The following SDK2 variants were observed in gnomAD, a reference collection of about 807,000 sequenced individuals.
SDK2 encodes sidekick cell adhesion molecule 2.
A neutral mutation model predicts 253.9 loss-of-function variants in SDK2; 105 were observed. That is an observed-to-expected ratio of 0.41 (90% CI 0.35 to 0.49). The LOEUF (loss-of-function observed/expected upper bound fraction) is 0.49. Among genes scored for constraint, SDK2 ranks in the 20% least tolerant of loss-of-function variants. The probability of loss-of-function intolerance (pLI) is 0.06; values close to 1 mark genes in which losing one functional copy is unlikely to be tolerated. For synonymous variants in SDK2, 1,249 were observed against 1,234.9 expected (o/e 1.01, Z -0.24); for missense variants, 2,608 against 3,003.0 (o/e 0.87, Z 3.07).
chr17:73,543,368 G>A (rs976864163), intron 1 of SDK2, among the ~76,000 whole-genome samples: 2 of 152,174 alleles, frequency 1.3e-5, no homozygotes, highest in African/African-American at 4.8e-5. Context: ...CAGGGCAGGT[G>A]CCATGCCGCT....
chr17:73,393,824 C>T, intron 26 of SDK2, 75 bp from the exon 27 acceptor site: 9 of 1,189,518 alleles, frequency 7.6e-6, no homozygotes, highest in Non-Finnish European at 1.0e-5. Flanking sequence ...AGTCTCATCC[C>T]CAGGATGAGC....
chr17:73,453,145 T>A (rs1240530684), intron 4 of SDK2, among the ~76,000 whole-genome samples: 1 of 152,174 alleles, frequency 6.6e-6, no homozygotes, highest in Admixed American at 6.5e-5. Flanking sequence ...AGTTCTGCCA[T>A]GTTCTTGCTT....
rs1447746300 is a variant in SDK2, at chr17:73,379,586, G to A, written c.4763-37C>T. The A allele has an allele frequency of 6.8e-6, 9 of 1,321,764 alleles. No individual in the cohort carries two copies. The highest frequency in any genetic ancestry group is 7.5e-6 in the Non-Finnish European group (7 of 929,768). The allele number at this position is 1,321,764 out of a possible 1,614,324, so 81.9% of individuals were successfully genotyped here. ...AGTGGGGGAGGGGAAGCACACTGAG[G>A]TCACCGTCATTGCTGGGAAGGTGTC... On this transcript the variant is annotated intron_variant, in intron 34 of 44. Transcript: ENST00000392650. The surrounding 1 kb of genome is among the most constrained non-coding windows in gnomAD (Gnocchi z 4.5).
chr17:73,551,133 C>T (rs370849146), intron 1 of SDK2, among the ~76,000 whole-genome samples: 6 of 152,152 alleles, frequency 3.9e-5, no homozygotes, highest in East Asian at 1.9e-4. Context: ...CACAGTGGGT[C>T]GAGGTGGTAG....
At position 73,383,553 on chromosome 17, in the gene SDK2, T is replaced by C. The variant is rs1212779098; in HGVS notation, c.4705+323A>G. ...GCCAGTGCTGGTGCCGGGGAAGCCTTGCCTGTCCCTGGCTTTAGGTCCTCC... is the reference window on the plus strand; with the variant it reads ...GCCAGTGCTGGTGCCGGGGAAGCCTCGCCTGTCCCTGGCTTTAGGTCCTCC... On this transcript the variant is annotated intron_variant, in intron 33 of 44. Coordinates refer to ENST00000392650, the MANE Select transcript of SDK2 (RefSeq NM_001144952.2). The surrounding 1 kb of genome is among the most constrained non-coding windows in gnomAD (Gnocchi z 4.3). Among the ~76,000 whole-genome samples the C allele has an allele frequency of 2.0e-5, 3 of 152,162 alleles. No homozygotes were observed. The highest frequency in any genetic ancestry group is 4.4e-5 in the Non-Finnish European group (3 of 68,014).
Position 73,401,025 on chromosome 17 carries a change from G to T in SDK2, c.2966C>A (p.Pro989His). 3 of 1,571,488 alleles carry T rather than the reference G, an allele frequency of 1.9e-6. No individual in the cohort carries two copies. The highest frequency in any genetic ancestry group is 2.3e-5 in the South Asian group (2 of 85,302). The change falls in exon 21 of 45, where the codon CCC becomes CAC. Residue 989 changes from proline (P) to histidine (H), a missense_variant. Physicochemically the swap from Pro to His is moderately conservative, Grantham distance 77. This residue lies in a region of SDK2 where 1,505 missense variants were observed against 1,859.1 expected (regional missense o/e 0.81). Transcript: ENST00000392650. ...CCTTGAGAGTGGGCACTTACCTGGG[G>T]GCACCCCAGAGGAGATGGTGGAGGC... is the stretch of plus-strand genomic sequence containing the variant. Reference protein sequence around the residue: ...VSASTISSGVPPELPGPPTNL... With the variant: ...VSASTISSGVHPELPGPPTNL...
rs980079441 is a variant in SDK2, at chr17:73,395,598, G to A, written c.3355-206C>T. ...CTGATGGGCTCTTATCTTCCTGCAGGGAGGACAGAGAAGCAGCATCCTTTC... is the reference window on the plus strand; with the variant it reads ...CTGATGGGCTCTTATCTTCCTGCAGAGAGGACAGAGAAGCAGCATCCTTTC... On this transcript the variant is annotated intron_variant, in intron 24 of 44. Coordinates refer to ENST00000392650, the MANE Select transcript of SDK2 (RefSeq NM_001144952.2). This position sits in a 1 kb window ranked among gnomAD's most constrained non-coding sequence, Gnocchi z 4.3. 1.3e-5 allele frequency among the ~76,000 whole-genome samples: 2 copies of A among 152,190 alleles called. No individual in the cohort carries two copies. The highest frequency in any genetic ancestry group is 4.8e-5 in the African/African-American group (2 of 41,440).
intron 6 of SDK2, among the ~76,000 whole-genome samples, chr17:73,439,595 G>A (rs1008422743): frequency 1.3e-5 from 2 of 152,128 alleles, no homozygotes; most frequent in African/African-American, 4.8e-5. Flanking sequence ...TCCCTCTCCA[G>A]GAAGTTTCAG....
At chr17:73,502,219 C>G (rs2063896666) in intron 2 of SDK2, among the ~76,000 whole-genome samples, 2 of 152,282 alleles carry the variant, frequency 1.3e-5, no homozygotes, top group African/African-American at 4.8e-5. Context: ...TATGGCAGCA[C>G]TTCTAATCTT....
chr17:73,622,614 C>T (rs1353514394), intron 1 of SDK2, among the ~76,000 whole-genome samples: 1 of 152,180 alleles, frequency 6.6e-6, no homozygotes, highest in Non-Finnish European at 1.5e-5. Context: ...GAGTGATTTG[C>T]AAAGGGTACG....
intron 2 of SDK2, among the ~76,000 whole-genome samples, chr17:73,499,508 T>A (rs2063868974): frequency 6.6e-6 from 1 of 152,248 alleles, no homozygotes; most frequent in Non-Finnish European, 1.5e-5. Context: ...CGGCCTCAGC[T>A]GGTCTCACAC....
At chr17:73,522,748 C>G (rs754319215) in intron 1 of SDK2, among the ~76,000 whole-genome samples, 4 of 152,236 alleles carry the variant, frequency 2.6e-5, no homozygotes, top group Non-Finnish European at 5.9e-5. Flanking sequence ...GGGCCAGCAG[C>G]TGATACCAGG....
intron 1 of SDK2, among the ~76,000 whole-genome samples, chr17:73,627,143 T>G (rs1295978375): frequency 6.6e-6 from 1 of 152,198 alleles, no homozygotes; most frequent in Admixed American, 6.5e-5. Flanking sequence ...GTTGAAAGGA[T>G]TCGATGTGTT....
Position 73,383,843 on chromosome 17 carries a change from C to T in SDK2, c.4705+33G>A, listed in dbSNP as rs1422884185. 1 of 1,611,930 alleles carries T rather than the reference C, an allele frequency of 6.2e-7. No homozygotes were observed. The highest frequency in any genetic ancestry group is 8.5e-7 in the Non-Finnish European group (1 of 1,178,208). On this transcript the variant is annotated intron_variant, in intron 33 of 44. Coordinates refer to ENST00000392650, the MANE Select transcript of SDK2 (RefSeq NM_001144952.2). This position sits in a 1 kb window ranked among gnomAD's most constrained non-coding sequence, Gnocchi z 4.3. ...AAGGTGAGGGTGACCGCCCCCATCC[C>T]ACCCATTCCTCTGGCTCCCAAGTGT...
At chr17:73,392,567 C>A (rs1450402463) in intron 27 of SDK2, among the ~76,000 whole-genome samples, 1 of 152,228 alleles carries the variant, frequency 6.6e-6, no homozygotes, top group Non-Finnish European at 1.5e-5. Flanking sequence ...CCACGCCCAG[C>A]CTGAGATTTC....
In SDK2 at chr17:73,639,508, C is replaced by A. The variant is rs377330711; in HGVS notation, c.64+4517G>T. Among the ~76,000 whole-genome samples the A allele has an allele frequency of 1.9e-3, 287 of 152,322 alleles. 2 individuals are homozygous for A. Among genetic ancestry groups the A allele is most frequent in the African/African-American group, 6.5e-3 (272 of 41,576 alleles). ...TCCATTACAGGCAGTGGGCTGCAGC[C>A]GCCAGTTGCTGCTGGCCCATTTGTT... On this transcript the variant is annotated intron_variant, in intron 1 of 44. Coordinates refer to ENST00000392650, the MANE Select transcript of SDK2 (RefSeq NM_001144952.2). The surrounding 1 kb of genome is among the most constrained non-coding windows in gnomAD (Gnocchi z 4.3).
chr17:73,572,342 C>G (rs2045400091), intron 1 of SDK2, among the ~76,000 whole-genome samples: 1 of 152,054 alleles, frequency 6.6e-6, no homozygotes, highest in South Asian at 2.1e-4. Flanking sequence ...ATTCTGGGGT[C>G]TGCAGACACA....
intron 40 of SDK2, 35 bp downstream of exon 40, chr17:73,358,044 G>A (rs2062607079): frequency 1.2e-6 from 2 of 1,612,438 alleles, no homozygotes; most frequent in Non-Finnish European, 1.7e-6. Flanking sequence ...GAGATAATGA[G>A]CTGTGGGGTC....
In SDK2 at chr17:73,423,743, A is replaced by G. The variant is rs79065214; in HGVS notation, c.1760+173T>C. Among the ~76,000 whole-genome samples the G allele has an allele frequency of 3.3e-3, 506 of 152,274 alleles. 1 individual carries two copies. Among genetic ancestry groups the G allele is most frequent in the Non-Finnish European group, 6.0e-3 (407 of 68,010 alleles). ...CCCCCTGCTCTTGACGGAGGGCCTA[A>G]CTGAGCTGAGAGAAAGGCCTGGAAG... On this transcript the variant is annotated intron_variant, in intron 13 of 44. Coordinates refer to ENST00000392650, the MANE Select transcript of SDK2 (RefSeq NM_001144952.2).
Sources: gnomAD v4.1 joint callset for allele counts (sites outside exome capture counted in the v4.1 genomes callset) on GRCh38, gnomAD v4.1.1 for gene constraint, gnomAD v4.1.1 regional missense constraint, Gnocchi (gnomAD v3.1) non-coding constraint, MANE v1.5 for transcripts, NCBI Gene and HGNC (gene_info 2026-07-23, HGNC 2026-07-21) for gene names.